Variants in KSR2 observed in about 807,000 individuals in gnomAD.
KSR2 encodes the protein kinase suppressor of ras 2.
In KSR2, 25 loss-of-function variants were observed where a neutral mutation model predicts 107.8. The ratio of observed to expected loss-of-function variants is 0.23; its 90% confidence interval spans 0.17 to 0.32. KSR2 has a LOEUF of 0.32. Ranked by LOEUF, KSR2 falls within the 10% of genes least tolerant of loss-of-function variation. The pLI, the probability that KSR2 is intolerant of heterozygous loss-of-function variation, is 1.00. For missense variants in KSR2, 887 were observed against 1,268.9 expected, an observed-to-expected ratio of 0.70 and a Z score of 4.57; for synonymous variants, 480 against 507.0, an observed-to-expected ratio of 0.95 and a Z score of 0.71.
In KSR2 at chr12:117,858,756, T is replaced by A. The variant is rs1039269431; in HGVS notation, c.321+1535A>T. Among the ~76,000 whole-genome samples, 3 of 152,180 alleles carry A rather than the reference T, an allele frequency of 2.0e-5. 1 individual carries two copies. The highest frequency in any genetic ancestry group is 7.2e-5 in the African/African-American group (3 of 41,448). ...TGAGCTGGACATCCTGCTAGCCCCA[T>A]CCACTTGCCAGCTAGACTACTCACT... On this transcript the variant is annotated intron_variant, in intron 2 of 19. Coordinates refer to ENST00000339824, the MANE Select transcript of KSR2 (RefSeq NM_173598.6).
chr12:117,517,790 G>A (rs530610983), intron 14 of KSR2: 28 of 453,828 alleles, frequency 6.2e-5, no homozygotes, highest in African/African-American at 3.2e-4. Context: ...TGATGGGGAC[G>A]GAATCTTCAT....
intron 1 of KSR2, among the ~76,000 whole-genome samples, chr12:117,902,474 C>T (rs960150128): frequency 4.0e-5 from 5 of 125,532 alleles, no homozygotes; most frequent in African/African-American, 9.3e-5. Context: ...CCAGCCTGGG[C>T]GACAGAGTGA....
chr12:117,539,397 G>C, intron 10 of KSR2: 1 of 302,140 alleles, frequency 3.3e-6, no homozygotes. Context: ...AGACTTAGGC[G>C]AAGACCCTGG....
Position 117,586,712 on chromosome 12 carries a change from C to T in KSR2, c.1172-4353G>A, listed in dbSNP as rs535126745. Among the ~76,000 whole-genome samples the T allele has an allele frequency of 3.9e-5, 6 of 152,116 alleles. No homozygotes were observed. In the East Asian group the frequency reaches 1.2e-3, roughly 29 times the overall value. ...GTTACCGTGTGCCAAGCACTACTGT[C>T]AAACAGACAGACCCTTGACATATAT... On this transcript the variant is annotated intron_variant, in intron 5 of 19. Coordinates refer to ENST00000339824, the MANE Select transcript of KSR2 (RefSeq NM_173598.6).
At chr12:117,635,216 T>C (rs541220547) in intron 5 of KSR2, among the ~76,000 whole-genome samples, 20 of 152,252 alleles carry the variant, frequency 1.3e-4, no homozygotes, top group Middle Eastern at 3.4e-3. Context: ...AGACTTTTTC[T>C]GCTATTAAAA....
At chr12:117,479,762 A>T (rs1304681750) in intron 16 of KSR2, among the ~76,000 whole-genome samples, 1 of 152,198 alleles carries the variant, frequency 6.6e-6, no homozygotes, top group Non-Finnish European at 1.5e-5. Context: ...ACTACTACTC[A>T]AACTAACTAG....
At chr12:117,483,481 C>T (rs1487544298) in intron 16 of KSR2, among the ~76,000 whole-genome samples, 2 of 151,220 alleles carry the variant, frequency 1.3e-5, no homozygotes, top group African/African-American at 2.4e-5. Context: ...ATGCACCATT[C>T]GTTATAAAAT....
In KSR2 at chr12:117,793,199, C is replaced by T. The variant is rs569116611; in HGVS notation, c.473-31675G>A. 3.5e-5 allele frequency among the ~76,000 whole-genome samples: 5 copies of T among 144,748 alleles called. No individual in the cohort carries two copies. The South Asian group carries it at 9.0e-4, about 26-fold the overall frequency. 95.0% of individuals were successfully genotyped at this position (144,748 alleles called of 152,430 possible). A position where few individuals can be genotyped will look rare whatever the true frequency, so the allele number is the denominator to read the frequency against. ...ACACACACCAATGTGCACACATACA[C>T]ACCAACATGCACACACCCTCACACC... On this transcript the variant is annotated intron_variant, in intron 3 of 19. Transcript: ENST00000339824.
chr12:117,967,596 A>C (rs1054500416), intron 1 of KSR2, among the ~76,000 whole-genome samples: 1 of 152,090 alleles, frequency 6.6e-6, no homozygotes, highest in Non-Finnish European at 1.5e-5. Flanking sequence ...AGAGGTCTAC[A>C]CTGACAGGCG....
chr12:117,537,164 G>A (rs1273582327), intron 10 of KSR2, among the ~76,000 whole-genome samples: 1 of 152,136 alleles, frequency 6.6e-6, no homozygotes, highest in Non-Finnish European at 1.5e-5. Flanking sequence ...AGTGAACCAA[G>A]ATCGCACCAC....
chr12:117,749,545 A>G (rs1888539919), intron 4 of KSR2, among the ~76,000 whole-genome samples: 1 of 152,134 alleles, frequency 6.6e-6, no homozygotes, highest in African/African-American at 2.4e-5. Flanking sequence ...CTGCAAACTA[A>G]ATACTCTGTT....
intron 1 of KSR2, among the ~76,000 whole-genome samples, chr12:117,880,178 T>C (rs1238275206): frequency 2.0e-5 from 3 of 152,162 alleles, no homozygotes; most frequent in Non-Finnish European, 2.9e-5. Flanking sequence ...AAAAGATTTA[T>C]ATGAATAGAA....
At chr12:117,867,979 T>C (rs1427960509) in intron 1 of KSR2, among the ~76,000 whole-genome samples, 1 of 152,236 alleles carries the variant, frequency 6.6e-6, no homozygotes, top group Non-Finnish European at 1.5e-5. Context: ...TGGGACTTTA[T>C]AAATTCTTTC....
intron 4 of KSR2, among the ~76,000 whole-genome samples, chr12:117,729,630 C>T (rs532331144): frequency 3.0e-4 from 45 of 152,244 alleles, no homozygotes; most frequent in Admixed American, 2.0e-4. Flanking sequence ...GACTGACAGT[C>T]GGCTTCCAAT....
At chr12:117,510,253 A>G (rs1181294611) in intron 14 of KSR2, among the ~76,000 whole-genome samples, 1 of 152,240 alleles carries the variant, frequency 6.6e-6, no homozygotes, top group Non-Finnish European at 1.5e-5. Context: ...ACACACAGTC[A>G]ATACTTCTTA....
chr12:117,741,004 C>T (rs529003131), intron 4 of KSR2, among the ~76,000 whole-genome samples: 7 of 152,232 alleles, frequency 4.6e-5, no homozygotes, highest in African/African-American at 1.7e-4. Context: ...GATATAGCTG[C>T]CATACCACTT....
At chr12:117,824,856 CAA>C (rs146100153) in intron 3 of KSR2, among the ~76,000 whole-genome samples, 57 of 74,956 alleles carry the variant, frequency 7.6e-4, no homozygotes, top group African/African-American at 1.6e-3. Context: ...GACTCTATCT[CAA>C]AAAAAAAAAA....
Position 117,829,016 on chromosome 12 carries a change from G to C in KSR2, c.472+26412C>G, listed in dbSNP as rs75952607. ...GCTACCTGTGGATGGGGTGACCTTG[G>C]GGTAACTCCAGTATGATGAACTCAG... On this transcript the variant is annotated intron_variant, in intron 3 of 19. Coordinates refer to ENST00000339824, the MANE Select transcript of KSR2 (RefSeq NM_173598.6). 6.0e-4 allele frequency among the ~76,000 whole-genome samples: 92 copies of C among 152,258 alleles called. 1 individual carries two copies. In the East Asian group the frequency reaches 0.015, roughly 25 times the overall value.
intron 16 of KSR2, among the ~76,000 whole-genome samples, chr12:117,483,944 T>C (rs1367789582): frequency 6.6e-6 from 1 of 152,208 alleles, no homozygotes; most frequent in African/African-American, 2.4e-5. Context: ...AGAGACGTTG[T>C]TCGGCTTGAT....
Sources: allele counts gnomAD v4.1 joint callset (sites outside exome capture counted in the v4.1 genomes callset), GRCh38; gene constraint gnomAD v4.1.1; transcripts MANE v1.5; gene names NCBI Gene and HGNC (gene_info 2026-07-23, HGNC 2026-07-21).